The following RTCA variants were observed in gnomAD, a reference collection of about 807,000 sequenced individuals.
RTCA encodes the protein RNA terminal phosphate cyclase domain 1.
In RTCA, 37 loss-of-function variants were observed where a neutral mutation model predicts 46.1. That is an observed-to-expected ratio of 0.80 (90% CI 0.62 to 1.06). The LOEUF is 1.06. Ranked by LOEUF, RTCA falls within the 50% of genes least tolerant of loss-of-function variation. The pLI is 0.00. For missense variants in RTCA, 435 were observed against 455.5 expected, an observed-to-expected ratio of 0.95 and a Z score of 0.41; for synonymous variants, 164 against 158.3, an observed-to-expected ratio of 1.04 and a Z score of -0.27.
chr1:100,277,205 A>G, intron 7 of RTCA, 53 bp from the exon 8 acceptor site: 1 of 1,513,604 alleles, frequency 6.6e-7, no homozygotes, highest in Non-Finnish European at 9.2e-7. Flanking sequence ...TTGTATTTGC[A>G]TAAATTTGGA....
chr1:100,289,372 G>C (rs557102865), intron 10 of RTCA, among the ~76,000 whole-genome samples: 3 of 151,838 alleles, frequency 2.0e-5, no homozygotes, highest in Non-Finnish European at 1.5e-5. Context: ...TGAACTCCTG[G>C]GCTCAAGTGA....
intron 4 of RTCA, among the ~76,000 whole-genome samples, chr1:100,272,062 A>G (rs1189341709): frequency 2.0e-5 from 3 of 152,222 alleles, no homozygotes; most frequent in Admixed American, 6.5e-5. Context: ...TTGCATATCC[A>G]TTCATCTATT....
At chr1:100,290,411 T>C (rs1244969923) in intron 10 of RTCA, among the ~76,000 whole-genome samples, 1 of 152,206 alleles carries the variant, frequency 6.6e-6, no homozygotes, top group East Asian at 1.9e-4. Context: ...GCTAGTTGTT[T>C]TGATTCTAAA....
At chr1:100,275,090 TG>T (rs1666301825) in intron 6 of RTCA, 125 bp downstream of exon 6, 5 of 978,132 alleles carry the variant, frequency 5.1e-6, no homozygotes, top group Middle Eastern at 6.7e-4. Flanking sequence ...ATGTCCTTTG[TG>T]GCAATATGGC....
chr1:100,280,302 A>G (rs1666628941), intron 8 of RTCA, among the ~76,000 whole-genome samples: 1 of 152,182 alleles, frequency 6.6e-6, no homozygotes, highest in Admixed American at 6.5e-5. Context: ...TTGTAAAGGG[A>G]TCATTACTTT....
At chr1:100,284,740 G>A (rs181223446) in intron 8 of RTCA, among the ~76,000 whole-genome samples, 351 of 152,232 alleles carry the variant, frequency 2.3e-3, no homozygotes, top group Non-Finnish European at 3.8e-3. Context: ...ATTGTAACAC[G>A]CATGCTTTTC....
intron 10 of RTCA, among the ~76,000 whole-genome samples, chr1:100,290,311 T>C (rs939134417): frequency 1.3e-5 from 2 of 152,176 alleles, no homozygotes; most frequent in Admixed American, 1.3e-4. Context: ...GGAGTCTTCC[T>C]GTGTTGCCCA....
intron 9 of RTCA, among the ~76,000 whole-genome samples, chr1:100,285,915 A>G (rs1421376283): frequency 6.6e-6 from 1 of 152,264 alleles, no homozygotes; most frequent in Non-Finnish European, 1.5e-5. Context: ...ATTAAGGGCC[A>G]TGAGCCACTG....
intron 3 of RTCA, among the ~76,000 whole-genome samples, chr1:100,268,655 A>G (rs1665918111): frequency 6.6e-6 from 1 of 152,152 alleles, no homozygotes; most frequent in South Asian, 2.1e-4. Context: ...TTGGCCTCCC[A>G]AAGTTTTGGG....
intron 10 of RTCA, 116 bp from the exon 11 acceptor site, chr1:100,291,287 G>A: frequency 1.6e-6 from 1 of 626,658 alleles, no homozygotes; most frequent in Non-Finnish European, 2.8e-6. Flanking sequence ...TTGTGTCTCT[G>A]TAGGTTTTTC....
Position 100,275,892 on chromosome 1 carries a change from G to A in RTCA, c.740+169G>A, listed in dbSNP as rs563926458. ...GCTCTGTTGTCCAGGCTGGAGTGCCGTGGTGTGATCTTGGCTCACTGCAAG... is the reference window on the plus strand; with the variant it reads ...GCTCTGTTGTCCAGGCTGGAGTGCCATGGTGTGATCTTGGCTCACTGCAAG... On this transcript the variant is annotated intron_variant, in intron 7 of 10. Coordinates refer to ENST00000370128, the MANE Select transcript of RTCA (RefSeq NM_003729.4). Among the ~76,000 whole-genome samples the A allele has an allele frequency of 1.4e-3, 219 of 152,062 alleles. 5 individuals are homozygous for A. Among genetic ancestry groups the A allele is most frequent in the Middle Eastern group, 3.4e-3 (1 of 294 alleles).
intron 4 of RTCA, among the ~76,000 whole-genome samples, chr1:100,271,671 TC>T (rs1427668561): frequency 1.3e-5 from 2 of 152,208 alleles, no homozygotes; most frequent in East Asian, 1.9e-4. Flanking sequence ...AGTGGTATAA[TC>T]TTTTTTCTTC....
intron 8 of RTCA, among the ~76,000 whole-genome samples, chr1:100,281,798 C>T (rs1252603295): frequency 6.6e-6 from 1 of 151,902 alleles, no homozygotes; most frequent in African/African-American, 2.4e-5. Context: ...CTCACTGCAA[C>T]CTCCGCCTCC....
chr1:100,274,198 G>A (rs1186912010), intron 5 of RTCA, among the ~76,000 whole-genome samples: 1 of 152,064 alleles, frequency 6.6e-6, no homozygotes, highest in Non-Finnish European at 1.5e-5. Flanking sequence ...AGCCTGACCT[G>A]TATTCTAGTA....
At chr1:100,277,806 G>T (rs918523051) in intron 8 of RTCA, among the ~76,000 whole-genome samples, 141 of 151,184 alleles carry the variant, frequency 9.3e-4, no homozygotes, top group African/African-American at 3.3e-3. Context: ...TTTTTTTGGG[G>T]GGGGGCACAT....
intron 8 of RTCA, among the ~76,000 whole-genome samples, chr1:100,282,481 C>T (rs367713132): frequency 6.6e-6 from 1 of 152,174 alleles, no homozygotes; most frequent in African/African-American, 2.4e-5. Context: ...TTCTGAACTC[C>T]TGTCGGGTAT....
chr1:100,284,192 T>C (rs1240878214), intron 8 of RTCA, among the ~76,000 whole-genome samples: 3 of 152,148 alleles, frequency 2.0e-5, no homozygotes, highest in Non-Finnish European at 2.9e-5. Flanking sequence ...ACTTACTTTG[T>C]ATTCAGTGTT....
intron 3 of RTCA, among the ~76,000 whole-genome samples, chr1:100,269,709 T>C (rs1270062664): frequency 6.6e-6 from 1 of 152,176 alleles, no homozygotes; most frequent in African/African-American, 2.4e-5. Context: ...TGGATACATG[T>C]GCAGAATGTG....
rs117440537 is a variant in RTCA, at chr1:100,267,779, A to G, written c.147-373A>G. Among the ~76,000 whole-genome samples the G allele has an allele frequency of 2.1e-3, 315 of 152,276 alleles. 8 individuals carry two copies. In the East Asian group the frequency reaches 0.053, roughly 26 times the overall value. On this transcript the variant is annotated intron_variant, in intron 2 of 10. Transcript: ENST00000370128. ...AGATACGGAGGGTTACAGTCTCAGC[A>G]TATTAATTTAGGGGGAACATAGTTC...
Sources: gnomAD v4.1 joint callset for allele counts (sites outside exome capture counted in the v4.1 genomes callset) on GRCh38, gnomAD v4.1.1 for gene constraint, MANE v1.5 for transcripts, NCBI Gene and HGNC (gene_info 2026-07-23, HGNC 2026-07-21) for gene names.